Variants in PVALEF observed in about 807,000 individuals in gnomAD.
PVALEF encodes parvalbumin-like EF-hand-containing protein.
PVALEF carries 2 observed loss-of-function variants against 1.2 expected under a neutral mutation model. That is an observed-to-expected ratio of 1.68 (90% confidence interval 0.69 to 5.28). PVALEF has a LOEUF of 5.28. Among genes scored for constraint, PVALEF ranks in the 30% most tolerant of loss-of-function variants. The pLI is 0.06. For missense variants in PVALEF, 35 were observed against 17.7 expected, an observed-to-expected ratio of 1.97 and a Z score of -1.75; for synonymous variants, 16 against 6.5, an observed-to-expected ratio of 2.47 and a Z score of -2.24.
intron 3 of PVALEF, among the ~76,000 whole-genome samples, chr17:81,180,309 C>G (rs1026054395): frequency 1.3e-5 from 2 of 152,282 alleles, no homozygotes; most frequent in African/African-American, 4.8e-5. Flanking sequence ...GGCCCGGGGC[C>G]CCGAGTGGTA....
At chr17:81,177,288 C>CT (rs2061538997) in intron 2 of PVALEF, among the ~76,000 whole-genome samples, 2 of 149,260 alleles carry the variant, frequency 1.3e-5, no homozygotes, top group Non-Finnish European at 3.0e-5. Context: ...TGGCTCACGC[C>CT]TGTAATCCCA....
intron 2 of PVALEF, among the ~76,000 whole-genome samples, chr17:81,168,612 T>TG (rs985452207): frequency 1.2e-4 from 18 of 152,036 alleles, no homozygotes; most frequent in Non-Finnish European, 2.5e-4. Context: ...TCCCCCGGCC[T>TG]GGGGGAAGGC....
At chr17:81,166,008 C>G in intron 1 of PVALEF, 1 of 1,550,580 alleles carries the variant, frequency 6.4e-7, no homozygotes. Flanking sequence ...GGCCAGCGGC[C>G]GGCGGGCATC....
At position 81,171,593 on chromosome 17, in the gene PVALEF, G is replaced by A. The variant is rs562708880; in HGVS notation, c.-340+4749G>A. ...TGCAAGCTCCGCCTCCTGGGTTAAC[G>A]CCATTCTCCTGCCTCAGCCTCCCAA... On this transcript the variant is annotated intron_variant, in intron 2 of 6. Coordinates refer to ENST00000637878, the MANE Select transcript of PVALEF (RefSeq NM_001354639.2). Among the ~76,000 whole-genome samples, 136 of 152,232 alleles carry A rather than the reference G, an allele frequency of 8.9e-4. 1 individual carries two copies. Among genetic ancestry groups the A allele is most frequent in the Non-Finnish European group, 1.5e-3 (103 of 68,018 alleles).
intron 1 of PVALEF, among the ~76,000 whole-genome samples, 173 bp from the exon 2 acceptor site, chr17:81,166,504 G>A (rs1598243392): frequency 4.9e-5 from 1 of 20,282 alleles, no homozygotes; most frequent in African/African-American, 1.1e-4. Flanking sequence ...GGAGGCTGGC[G>A]GGGGGGGGGG....
Position 81,165,717 on chromosome 17 carries a change from G to T in PVALEF, c.-538G>T, listed in dbSNP as rs1222328281. The stretch of plus-strand genomic sequence containing the variant: ...GAGGCAGCCACGGAGTCACGACCAC[G>T]CGGGGGACGCCAGCCCACAGGCGGA... On this transcript the variant is annotated 5_prime_UTR_variant, in exon 1 of 7. Transcript: ENST00000637878. The T allele has an allele frequency of 6.6e-7, 1 of 1,520,974 alleles. No homozygotes were observed. Among genetic ancestry groups the T allele is most frequent in the African/African-American group, 1.4e-5 (1 of 72,486 alleles). 94.2% of individuals were successfully genotyped at this position (1,520,974 alleles called of 1,614,324 possible).
intron 2 of PVALEF, among the ~76,000 whole-genome samples, chr17:81,173,847 G>A (rs550569272): frequency 6.6e-6 from 1 of 152,206 alleles, no homozygotes; most frequent in South Asian, 2.1e-4. Flanking sequence ...GAGACTACAA[G>A]GAAAGAAAAG....
chr17:81,166,139 A>G (rs1288787775), intron 1 of PVALEF: 5 of 301,604 alleles, frequency 1.7e-5, no homozygotes, highest in Non-Finnish European at 2.4e-5. Context: ...CCGCAGCCGC[A>G]GAGCCCGCAC....
chr17:81,179,662 A>G (rs2061547039), intron 3 of PVALEF, among the ~76,000 whole-genome samples: 1 of 152,046 alleles, frequency 6.6e-6, no homozygotes, highest in Non-Finnish European at 1.5e-5. Flanking sequence ...CACTGCCTCT[A>G]TCACCCCTTC....
At chr17:81,176,981 C>T (rs1174182816) in intron 2 of PVALEF, among the ~76,000 whole-genome samples, 1 of 141,842 alleles carries the variant, frequency 7.1e-6, no homozygotes, top group Non-Finnish European at 1.5e-5. Context: ...GGCTGGAGTG[C>T]GGTGGCGCGA....
At chr17:81,171,233 GAACAGAAA>G in intron 2 of PVALEF, among the ~76,000 whole-genome samples, 1 of 152,206 alleles carries the variant, frequency 6.6e-6, no homozygotes, top group African/African-American at 2.4e-5. Flanking sequence ...GGGCGGCTCT[GAACAGAAA>G]TGAAGCCGAA....
chr17:81,178,174 TATC>T (rs1482500140), intron 2 of PVALEF, among the ~76,000 whole-genome samples: 3 of 152,302 alleles, frequency 2.0e-5, no homozygotes, highest in Admixed American at 6.5e-5. Context: ...ACCTGTCACA[TATC>T]ATGACCGTCA....
intron 1 of PVALEF, chr17:81,166,061 AGCC>A: frequency 8.7e-7 from 1 of 1,154,354 alleles, no homozygotes; most frequent in Admixed American, 4.8e-5. Context: ...CCCCGGCCCG[AGCC>A]GCCGCATCAC....
intron 2 of PVALEF, among the ~76,000 whole-genome samples, chr17:81,167,432 T>C (rs780714906): frequency 9.2e-5 from 14 of 152,108 alleles, no homozygotes; most frequent in Admixed American, 2.0e-4. Flanking sequence ...CAAGGCCCAG[T>C]TGGGGTTGGG....
chr17:81,169,367 A>AG (rs552009622), intron 2 of PVALEF, among the ~76,000 whole-genome samples: 54,951 of 151,972 alleles, frequency 0.36, 10,430 homozygotes, highest in Non-Finnish European at 0.43. Context: ...TGGGAGGCCA[A>AG]GGGGGGCGGA....
chr17:81,182,487 G>C (rs909634819), intron 6 of PVALEF, among the ~76,000 whole-genome samples: 1 of 152,222 alleles, frequency 6.6e-6, no homozygotes, highest in Non-Finnish European at 1.5e-5. Flanking sequence ...CGCTTGCCCA[G>C]CCACCGGCCG....
At chr17:81,177,839 C>T (rs1166944930) in intron 2 of PVALEF, among the ~76,000 whole-genome samples, 3 of 152,186 alleles carry the variant, frequency 2.0e-5, no homozygotes, top group African/African-American at 7.2e-5. Context: ...AATCACATGC[C>T]TTTAAAGGCC....
intron 2 of PVALEF, among the ~76,000 whole-genome samples, chr17:81,171,518 G>A (rs1315431229): frequency 1.3e-5 from 2 of 152,014 alleles, no homozygotes; most frequent in African/African-American, 4.8e-5. Flanking sequence ...TTGAGATGGA[G>A]TCTCACTCTG....
chr17:81,167,144 T>C (rs1189328768), intron 2 of PVALEF, among the ~76,000 whole-genome samples: 1 of 152,090 alleles, frequency 6.6e-6, no homozygotes, highest in Non-Finnish European at 1.5e-5. Context: ...ATTAGAAAAA[T>C]GAGCCAGGCA....
Sources: gnomAD v4.1 joint callset for allele counts (sites outside exome capture counted in the v4.1 genomes callset) on GRCh38, gnomAD v4.1.1 for gene constraint, MANE v1.5 for transcripts, NCBI Gene and HGNC (gene_info 2026-07-23, HGNC 2026-07-21) for gene names.